Variants in SPECC1 observed in about 807,000 individuals in gnomAD.
The protein encoded by SPECC1 is sperm antigen with calponin homology and coiled-coil domains 1.
In SPECC1, 62 loss-of-function variants were observed where a neutral mutation model predicts 104.1. That is an observed-to-expected ratio of 0.60 (90% CI 0.49 to 0.74). The LOEUF is 0.74. Ranked by LOEUF, SPECC1 falls within the 30% of genes least tolerant of loss-of-function variation. The pLI, the probability that SPECC1 is intolerant of heterozygous loss-of-function variation, is 0.00. For missense variants in SPECC1, 1,306 were observed against 1,310.5 expected (o/e 1.00, Z 0.05); for synonymous variants, 513 against 501.6 (o/e 1.02, Z -0.30).
At chr17:20,050,803 A>G (rs192181279) in intron 1 of SPECC1, among the ~76,000 whole-genome samples, 5 of 152,342 alleles carry the variant, frequency 3.3e-5, no homozygotes, top group African/African-American at 1.2e-4. Context: ...TGATAACTTC[A>G]TGTTAGTAAG....
At chr17:20,301,655 A>G (rs1567619429) in intron 13 of SPECC1, among the ~76,000 whole-genome samples, 1 of 152,128 alleles carries the variant, frequency 6.6e-6, no homozygotes, top group Admixed American at 6.5e-5. Context: ...GTAAAGAGAT[A>G]TATGATCACA....
rs2042057357 is a variant in SPECC1 at position 20,317,692 on chromosome 17, C to CTCT, written c.*3628_*3630dup. 1 of 209,746 alleles carries CTCT rather than the reference C, an allele frequency of 4.8e-6. No homozygotes were observed. The highest frequency in any genetic ancestry group is 9.7e-6 in the Non-Finnish European group (1 of 103,294). The allele number at this position is 209,746 out of a possible 1,614,324, so 13.0% of individuals were successfully genotyped here. A position where few individuals can be genotyped will look rare whatever the true frequency, so the allele number is the denominator to read the frequency against. On this transcript the variant is annotated 3_prime_UTR_variant, in exon 15 of 15. Transcript: ENST00000395527. ...AGTAAGCTGTGTTTGTGCCACTGCA[C>CTCT]TCTGGCCTGGGCCAAAGAGCAAGAC... is the stretch of plus-strand genomic sequence containing the variant.
At chr17:20,118,324 G>C (rs916366928) in intron 3 of SPECC1, among the ~76,000 whole-genome samples, 2 of 152,044 alleles carry the variant, frequency 1.3e-5, no homozygotes, top group African/African-American at 4.8e-5. Flanking sequence ...AGCACTTAAC[G>C]GTTACTGATA....
chr17:20,114,850 G>A (rs1356416753), intron 3 of SPECC1, among the ~76,000 whole-genome samples: 1 of 152,206 alleles, frequency 6.6e-6, no homozygotes, highest in Admixed American at 6.5e-5. Flanking sequence ...AGCAACTTCA[G>A]AAATGAATTA....
intron 12 of SPECC1, among the ~76,000 whole-genome samples, chr17:20,268,670 C>G (rs2040295977): frequency 6.6e-6 from 1 of 152,174 alleles, no homozygotes; most frequent in Non-Finnish European, 1.5e-5. Flanking sequence ...GCTTCTGTAC[C>G]GTTTCTGACA....
chr17:20,125,955 G>T (rs2049282523), intron 3 of SPECC1, among the ~76,000 whole-genome samples: 1 of 152,188 alleles, frequency 6.6e-6, no homozygotes, highest in Non-Finnish European at 1.5e-5. Context: ...GGGGCCAAGG[G>T]TTTTCTGTGA....
chr17:20,241,556 G>A (rs183947035), intron 7 of SPECC1, among the ~76,000 whole-genome samples: 78 of 152,218 alleles, frequency 5.1e-4, no homozygotes, highest in African/African-American at 1.8e-3. Context: ...CCCCGACCGT[G>A]TACTCTCTAT....
At chr17:20,024,988 T>C (rs991992528) in intron 1 of SPECC1, among the ~76,000 whole-genome samples, 1 of 152,252 alleles carries the variant, frequency 6.6e-6, no homozygotes, top group Non-Finnish European at 1.5e-5. Context: ...ACCCTACTTC[T>C]GTGTGTTCAC....
chr17:20,294,857 TGTTTTGAGC>T, intron 12 of SPECC1, among the ~76,000 whole-genome samples: 1 of 152,306 alleles, frequency 6.6e-6, no homozygotes, highest in East Asian at 1.9e-4. Context: ...AATCCTCTAC[TGTTTTGAGC>T]ACTGAAGGCT....
chr17:20,225,253 C>T (rs1374216649), intron 4 of SPECC1, among the ~76,000 whole-genome samples: 1 of 152,160 alleles, frequency 6.6e-6, no homozygotes, highest in African/African-American at 2.4e-5. Context: ...TGCAAGCACT[C>T]CCTTGGCTGC....
intron 14 of SPECC1, among the ~76,000 whole-genome samples, chr17:20,308,652 C>T (rs2041842692): frequency 6.6e-6 from 1 of 152,146 alleles, no homozygotes; most frequent in Non-Finnish European, 1.5e-5. Flanking sequence ...AAAATGTAGT[C>T]ACACACACAA....
intron 3 of SPECC1, among the ~76,000 whole-genome samples, chr17:20,157,190 CCTT>C (rs1161549611): frequency 6.6e-6 from 1 of 152,176 alleles, no homozygotes; most frequent in Non-Finnish European, 1.5e-5. Context: ...CATTGCTTCT[CCTT>C]CATCTCCCAG....
Position 20,314,752 on chromosome 17 carries a change from GA to G in SPECC1, c.*690del, listed in dbSNP as rs1254348020. On this transcript the variant is annotated 3_prime_UTR_variant, in exon 15 of 15. Coordinates refer to ENST00000395527, the MANE Select transcript of SPECC1 (RefSeq NM_001243439.2). ...TAAACATTTGTTCCAGGGCAACCTG[GA>G]AACGTGCGTGCGCACTCAGCCTTTT... 4.7e-6 allele frequency: 1 copy of G among 214,892 alleles called. No individual in the cohort carries two copies. Among genetic ancestry groups the G allele is most frequent in the African/African-American group, 2.6e-5 (1 of 38,976 alleles). The allele number at this position is 214,892 out of a possible 1,614,324, so 13.3% of individuals were successfully genotyped here.
chr17:20,156,996 G>C (rs1412087590), intron 3 of SPECC1, among the ~76,000 whole-genome samples: 1 of 152,112 alleles, frequency 6.6e-6, no homozygotes. Flanking sequence ...GGGGTGGGGG[G>C]CCGGTGACAG....
intron 3 of SPECC1, among the ~76,000 whole-genome samples, chr17:20,166,954 T>A (rs866506172): frequency 1.6e-4 from 24 of 151,506 alleles, no homozygotes; most frequent in African/African-American, 4.6e-4. Flanking sequence ...CAAAAAAAAA[T>A]TTTTTTAATT....
At chr17:20,128,911 G>T (rs1047368049) in intron 3 of SPECC1, among the ~76,000 whole-genome samples, 3 of 151,820 alleles carry the variant, frequency 2.0e-5, no homozygotes, top group Non-Finnish European at 4.4e-5. Context: ...TTTATTTTTA[G>T]AGACAGCGTC....
rs150090771 is a variant in SPECC1 at position 20,168,922 on chromosome 17, G to T, written c.284-35411G>T. Among the ~76,000 whole-genome samples, 125 of 152,272 alleles carry T rather than the reference G, an allele frequency of 8.2e-4. 1 individual carries two copies. Among genetic ancestry groups the T allele is most frequent in the African/African-American group, 2.8e-3 (118 of 41,552 alleles). ...GGGTCTTGCTCTGTCATCCAGGCTG[G>T]AGTACAGTGGTGCTATCTGGGCTCA... On this transcript the variant is annotated intron_variant, in intron 3 of 14. Coordinates refer to ENST00000395527, the MANE Select transcript of SPECC1 (RefSeq NM_001243439.2).
At chr17:20,292,633 C>T (rs557398913) in intron 12 of SPECC1, among the ~76,000 whole-genome samples, 1 of 152,098 alleles carries the variant, frequency 6.6e-6, no homozygotes, top group Admixed American at 6.5e-5. Context: ...AAAGCATTTC[C>T]CCATTTCTAA....
At chr17:20,279,614 G>A (rs1201886088) in intron 12 of SPECC1, among the ~76,000 whole-genome samples, 3 of 152,140 alleles carry the variant, frequency 2.0e-5, no homozygotes, top group South Asian at 2.1e-4. Flanking sequence ...GAGCCACCGC[G>A]CCCAGCCTTG....
Sources: gnomAD v4.1 joint callset for allele counts (sites outside exome capture counted in the v4.1 genomes callset) on GRCh38, gnomAD v4.1.1 for gene constraint, MANE v1.5 for transcripts, NCBI Gene and HGNC (gene_info 2026-07-23, HGNC 2026-07-21) for gene names.